The following TXNDC12 variants were observed in gnomAD, a reference collection of about 807,000 sequenced individuals.
The protein encoded by TXNDC12 is thioredoxin domain-containing protein 12.
In TXNDC12, 22 loss-of-function variants were observed where a neutral mutation model predicts 24.2. That is an observed-to-expected ratio of 0.91 (90% CI 0.65 to 1.30). The LOEUF (loss-of-function observed/expected upper bound fraction) is 1.30, where lower values mean the gene tolerates loss of function less well. TXNDC12 is among the 50% of genes most tolerant of loss of function. TXNDC12 has a pLI of 0.00. For missense variants in TXNDC12, 184 were observed against 205.8 expected, an observed-to-expected ratio of 0.89 and a Z score of 0.65; for synonymous variants, 58 against 73.4, an observed-to-expected ratio of 0.79 and a Z score of 1.07.
intron 1 of TXNDC12, among the ~76,000 whole-genome samples, chr1:52,054,596 A>C (rs1200610832): frequency 3.9e-5 from 6 of 152,202 alleles, no homozygotes; most frequent in African/African-American, 1.4e-4. Flanking sequence ...CTCTTCGCGG[A>C]AGAAGTAACG....
intron 1 of TXNDC12, among the ~76,000 whole-genome samples, chr1:52,048,819 T>C (rs1686146929): frequency 6.6e-6 from 1 of 152,076 alleles, no homozygotes; most frequent in Non-Finnish European, 1.5e-5. Flanking sequence ...ATGGGGCCAC[T>C]GCACTCCAGC....
intron 1 of TXNDC12, among the ~76,000 whole-genome samples, chr1:52,045,574 A>G (rs1686076157): frequency 6.6e-6 from 1 of 152,218 alleles, no homozygotes; most frequent in East Asian, 1.9e-4. Flanking sequence ...CAGAACTGTA[A>G]GAAAATAAAC....
At position 52,033,897 on chromosome 1, in the gene TXNDC12, AGG is replaced by A. The variant is rs1685833622; in HGVS notation, c.159-5269_159-5268del. On this transcript the variant is annotated intron_variant, in intron 2 of 6. Transcript: ENST00000371626. ...CAGACCCTCTTGTTTCTATGGAAAC[AGG>A]AGTTCTACGCCAGCTAGGCCCAGGT... 2.1e-6 allele frequency: 3 copies of A among 1,433,066 alleles called. No homozygotes were observed. The African/African-American group carries it at 4.3e-5, about 21-fold the overall frequency. The allele number at this position is 1,433,066 out of a possible 1,614,324, so 88.8% of individuals were successfully genotyped here. A position where few individuals can be genotyped will look rare whatever the true frequency, so the allele number is the denominator to read the frequency against.
At position 52,033,008 on chromosome 1, in the gene TXNDC12, G is replaced by C; in HGVS notation, c.159-4378C>G. On this transcript the variant is annotated intron_variant, in intron 2 of 6. Transcript: ENST00000371626. ...GTAGACTGATGGGGTGGTGGGGCCC[G>C]GTTCTCAAACAGGGCAGAGCGGATC... The C allele has an allele frequency of 1.3e-6, 2 of 1,560,822 alleles. No individual in the cohort carries two copies. Among genetic ancestry groups the C allele is most frequent in the South Asian group, 2.5e-5 (2 of 81,382 alleles).
intron 1 of TXNDC12, among the ~76,000 whole-genome samples, chr1:52,046,866 AAT>A (rs869028968): frequency 0.05 from 1,500 of 30,074 alleles, 23 homozygotes; most frequent in African/African-American, 0.076. Context: ...AAAAAAAAAA[AAT>A]ATATATATAT....
rs139400072 is a variant in TXNDC12, at chr1:52,040,747, T to C, written c.158+790A>G. On this transcript the variant is annotated intron_variant, in intron 2 of 6. Transcript: ENST00000371626. ...CCTGTGCAGTTCAAACCCATGTTGTTTGGCCGGGCGTGGTGGCTCACATCT... is the reference window on the plus strand; with the variant it reads ...CCTGTGCAGTTCAAACCCATGTTGTCTGGCCGGGCGTGGTGGCTCACATCT... Among the ~76,000 whole-genome samples the C allele has an allele frequency of 1.4e-3, 209 of 152,150 alleles. 1 individual carries two copies. The highest frequency in any genetic ancestry group is 0.012 in the South Asian group (57 of 4,820).
In TXNDC12 at chr1:52,033,994, T is replaced by A; in HGVS notation, c.159-5364A>T. 3 of 1,401,330 alleles carry A rather than the reference T, an allele frequency of 2.1e-6. No homozygotes were observed. The South Asian group carries it at 5.1e-5, about 24-fold the overall frequency. The allele number at this position is 1,401,330 out of a possible 1,614,324, so 86.8% of individuals were successfully genotyped here. A position where few individuals can be genotyped will look rare whatever the true frequency, so the allele number is the denominator to read the frequency against. Reference sequence around the variant, plus strand: ...TTATTTATGCCAAATGTTATAGGCCTCAGGAGAATGTGATCTTCCTGCAGC... The same window carrying A: ...TTATTTATGCCAAATGTTATAGGCCACAGGAGAATGTGATCTTCCTGCAGC... On this transcript the variant is annotated intron_variant, in intron 2 of 6. Transcript: ENST00000371626.
intron 2 of TXNDC12, 75 bp downstream of exon 2, chr1:52,041,462 C>T (rs1685988687): frequency 2.0e-6 from 2 of 1,017,490 alleles, no homozygotes; most frequent in Admixed American, 1.9e-5. Flanking sequence ...TATAGCCCTT[C>T]ACCTGAAATT....
chr1:52,046,885 ATATATATATT>A (rs1686105732), intron 1 of TXNDC12, among the ~76,000 whole-genome samples: 2 of 146,488 alleles, frequency 1.4e-5, no homozygotes, highest in African/African-American at 5.0e-5. Flanking sequence ...ATATATATAT[ATATATATATT>A]AGCCGGGTAT....
At chr1:52,039,653 TACGCAATAC>T (rs1379514173) in intron 2 of TXNDC12, among the ~76,000 whole-genome samples, 2 of 152,214 alleles carry the variant, frequency 1.3e-5, no homozygotes, top group African/African-American at 4.8e-5. Context: ...TATACTGCGA[TACGCAATAC>T]ACTGGAGAGA....
At chr1:52,027,966 C>T (rs568426308) in intron 3 of TXNDC12, among the ~76,000 whole-genome samples, 1 of 152,040 alleles carries the variant, frequency 6.6e-6, no homozygotes, top group Admixed American at 6.6e-5. Flanking sequence ...GCTAGGATTA[C>T]AGGCGCGTGC....
At chr1:52,023,424 G>T in intron 6 of TXNDC12, 67 bp downstream of exon 6, 2 of 1,287,752 alleles carry the variant, frequency 1.6e-6, no homozygotes, top group South Asian at 1.2e-5. Flanking sequence ...TCCTATCACA[G>T]ACCTTGCATG....
chr1:52,027,218 T>C, intron 4 of TXNDC12, 57 bp downstream of exon 4: 2 of 1,341,276 alleles, frequency 1.5e-6, no homozygotes, highest in African/African-American at 1.5e-5. Context: ...GCACGAATGA[T>C]ACTAACTTTA....
At chr1:52,039,138 C>T (rs1685940984) in intron 2 of TXNDC12, among the ~76,000 whole-genome samples, 1 of 144,066 alleles carries the variant, frequency 6.9e-6, no homozygotes, top group East Asian at 2.1e-4. Context: ...CGACAAGCAA[C>T]TACCTGTGTA....
At position 52,055,047 on chromosome 1, in the gene TXNDC12, A is replaced by C. The variant is rs767507833; in HGVS notation, c.50T>G (p.Phe17Cys). ...ATCAGAAGAGATGACGAGGAGCAGG[A>C]AACTGAAGCCCAGCAAACAGGTGGC... Reference protein sequence around the residue: ...LGATCLLGFSFLLLVISSDGH... With the variant: ...LGATCLLGFSCLLLVISSDGH... Residue 17 changes from phenylalanine (F) to cysteine (C), a missense_variant, in exon 1 of 7, where the codon TTC (phenylalanine) becomes TGC (cysteine). Physicochemically the swap from Phe to Cys is radical, Grantham distance 205. Coordinates refer to ENST00000371626, the MANE Select transcript of TXNDC12 (RefSeq NM_015913.4). 2.5e-6 allele frequency: 4 copies of C among 1,614,002 alleles called. No homozygotes were observed. Among genetic ancestry groups the C allele is most frequent in the South Asian group, 2.2e-5 (2 of 91,080 alleles).
At chr1:52,034,076 C>A (rs1685837998) in intron 2 of TXNDC12, 8 of 1,305,604 alleles carry the variant, frequency 6.1e-6, no homozygotes, top group Non-Finnish European at 7.8e-6. Flanking sequence ...ATATTGTAAG[C>A]AATCAGCACT....
chr1:52,033,123 C>T, intron 2 of TXNDC12: 1 of 1,613,906 alleles, frequency 6.2e-7, no homozygotes, highest in South Asian at 1.1e-5. Flanking sequence ...CAAAGCGCAG[C>T]GTTAGGGCCT....
Position 52,048,723 on chromosome 1 carries a change from G to A in TXNDC12, c.97+6277C>T, listed in dbSNP as rs139324715. Among the ~76,000 whole-genome samples the A allele has an allele frequency of 5.4e-3, 815 of 152,110 alleles. 13 individuals carry two copies. The highest frequency in any genetic ancestry group is 0.019 in the African/African-American group (790 of 41,478). ...AATTTAAAAATTAGCTGGGTGTGGT[G>A]GCGCACACCTATAATCCCAGCTATC... On this transcript the variant is annotated intron_variant, in intron 1 of 6. Coordinates refer to ENST00000371626, the MANE Select transcript of TXNDC12 (RefSeq NM_015913.4).
At chr1:52,051,381 A>ATT (rs1264617087) in intron 1 of TXNDC12, among the ~76,000 whole-genome samples, 9 of 141,412 alleles carry the variant, frequency 6.4e-5, no homozygotes, top group African/African-American at 2.4e-4. Context: ...TAATTTATTT[A>ATT]TTTATTTTTT....
Sources: allele counts gnomAD v4.1 joint callset (sites outside exome capture counted in the v4.1 genomes callset), GRCh38; gene constraint gnomAD v4.1.1; transcripts MANE v1.5; gene names NCBI Gene and HGNC (gene_info 2026-07-23, HGNC 2026-07-21).